The following PDGFRL variants were observed in gnomAD, a reference collection of about 807,000 sequenced individuals.
PDGFRL encodes the protein platelet-derived growth factor receptor-like protein.
A neutral mutation model predicts 37.2 loss-of-function variants in PDGFRL; 46 were observed. The ratio of observed to expected loss-of-function variants is 1.24; its 90% CI spans 0.98 to 1.58. The LOEUF is 1.58. PDGFRL is among the 40% of genes most tolerant of loss of function. PDGFRL has a pLI of 0.00. For synonymous variants in PDGFRL, 251 were observed against 184.3 expected (o/e 1.36, Z -2.93); for missense variants, 692 against 467.6 (o/e 1.48, Z -4.43).
intron 1 of PDGFRL, among the ~76,000 whole-genome samples, chr8:17,577,902 T>G (rs1803621642): frequency 6.6e-6 from 1 of 151,832 alleles, no homozygotes; most frequent in African/African-American, 2.4e-5. Flanking sequence ...CTTATTATAT[T>G]TATCTAATTG....
Position 17,642,610 on chromosome 8 carries a change from C to A in PDGFRL, c.940-3C>A. 6.3e-7 allele frequency: 1 copy of A among 1,594,722 alleles called. No individual in the cohort carries two copies. Among genetic ancestry groups the A allele is most frequent in the Non-Finnish European group, 8.6e-7 (1 of 1,162,628 alleles). On this transcript the variant is annotated splice_polypyrimidine_tract_variant and splice_region_variant and intron_variant, in intron 5 of 5. Coordinates refer to ENST00000251630, the MANE Select transcript of PDGFRL (RefSeq NM_001372073.1). Reference sequence around the variant, plus strand: ...TTCAGTCTTTGTGGGTGTCGTTAAACAGGATGAAAGGCCTGTGACGATCCA... The same window carrying A: ...TTCAGTCTTTGTGGGTGTCGTTAAAAAGGATGAAAGGCCTGTGACGATCCA...
rs1363688946 is a variant in PDGFRL at position 17,628,640 on chromosome 8, G to T, written c.659G>T (p.Gly220Val). The part of the protein sequence containing the change: ...EFPAKEIPAN[G>V]TDIVYDMKRG... ...CCAGCCAAGGAGATCCCAGCCAATG[G>T]AACGGACATTGTTTATGACATGAAG... The change falls in exon 4 of 6, where the codon GGA becomes GTA. Residue 220 changes from glycine (G) to valine (V), a missense_variant. Transcript: ENST00000251630. 4 of 1,614,200 alleles carry T rather than the reference G, an allele frequency of 2.5e-6. No individual in the cohort carries two copies. Among genetic ancestry groups the T allele is most frequent in the Admixed American group, 3.3e-5 (2 of 60,032 alleles).
chr8:17,599,844 T>A (rs1405770064), intron 2 of PDGFRL, among the ~76,000 whole-genome samples: 1 of 152,194 alleles, frequency 6.6e-6, no homozygotes, highest in African/African-American at 2.4e-5. Flanking sequence ...GGAAGAAGGA[T>A]GAGGATTTTC....
intron 2 of PDGFRL, among the ~76,000 whole-genome samples, chr8:17,601,956 C>G (rs1804174537): frequency 6.6e-6 from 1 of 152,176 alleles, no homozygotes; most frequent in South Asian, 2.1e-4. Context: ...TGTGGTAGAA[C>G]TATCTATATT....
intron 1 of PDGFRL, among the ~76,000 whole-genome samples, chr8:17,586,795 G>A (rs930585835): frequency 3.3e-5 from 5 of 152,142 alleles, no homozygotes; most frequent in Admixed American, 6.6e-5. Flanking sequence ...ATTTATAGAT[G>A]AGAAAACTGA....
At chr8:17,615,348 T>C (rs921795567) in intron 2 of PDGFRL, among the ~76,000 whole-genome samples, 3 of 152,144 alleles carry the variant, frequency 2.0e-5, no homozygotes, top group African/African-American at 4.8e-5. Context: ...ACTTAGCAGA[T>C]TTTACAAGCT....
chr8:17,577,398 CT>C, intron 1 of PDGFRL, 91 bp downstream of exon 1: 1 of 1,132,472 alleles, frequency 8.8e-7, no homozygotes, highest in Non-Finnish European at 1.3e-6. Flanking sequence ...AGCTCTTGGT[CT>C]AACGTTCGGC....
At chr8:17,632,557 G>A (rs13259043) in intron 4 of PDGFRL, among the ~76,000 whole-genome samples, 94,071 of 151,960 alleles carry the variant, frequency 0.62, 33,197 homozygotes, top group Non-Finnish European at 0.8. Flanking sequence ...GGCTGGCCTC[G>A]AACTCCTGAC....
At chr8:17,623,057 T>G (rs925911833) in intron 3 of PDGFRL, among the ~76,000 whole-genome samples, 1 of 152,158 alleles carries the variant, frequency 6.6e-6, no homozygotes, top group South Asian at 2.1e-4. Context: ...CTCTATCAGT[T>G]TCATTCCACA....
chr8:17,634,037 C>A, intron 4 of PDGFRL, 37 bp from the exon 5 acceptor site: 1 of 1,607,498 alleles, frequency 6.2e-7, no homozygotes, highest in South Asian at 1.1e-5. Flanking sequence ...AGGTTACACT[C>A]GGGGTCTCAC....
chr8:17,627,970 T>C (rs1056977472), intron 3 of PDGFRL, among the ~76,000 whole-genome samples: 4 of 150,268 alleles, frequency 2.7e-5, no homozygotes, highest in Admixed American at 2.7e-4. Context: ...TACTGATACC[T>C]TTTCTGTTTT....
At chr8:17,620,185 C>A (rs1051988552) in intron 2 of PDGFRL, among the ~76,000 whole-genome samples, 8 of 152,182 alleles carry the variant, frequency 5.3e-5, no homozygotes, top group African/African-American at 1.9e-4. Context: ...TGGTCTCAAA[C>A]TCCTGGCCTC....
chr8:17,641,438 G>T (rs1805090662), intron 5 of PDGFRL, among the ~76,000 whole-genome samples: 1 of 152,234 alleles, frequency 6.6e-6, no homozygotes, highest in South Asian at 2.1e-4. Flanking sequence ...GCTTCCTTGG[G>T]GACTGAGAGA....
chr8:17,602,891 TC>T (rs1341862010), intron 2 of PDGFRL, among the ~76,000 whole-genome samples: 3 of 152,272 alleles, frequency 2.0e-5, no homozygotes, highest in Non-Finnish European at 4.4e-5. Context: ...ATACCTATGG[TC>T]CTTTCAGCCT....
rs1462471772 is a variant in PDGFRL at position 17,642,573 on chromosome 8, T to A, written c.940-40T>A. On this transcript the variant is annotated intron_variant, in intron 5 of 5. Transcript: ENST00000251630. Reference sequence around the variant, plus strand: ...TGAGTGGGAGCTCTTTATAGCAGCTTGTCCCTCTTGCTTCAGTCTTTGTGG... The same window carrying A: ...TGAGTGGGAGCTCTTTATAGCAGCTAGTCCCTCTTGCTTCAGTCTTTGTGG... 4 of 1,279,978 alleles carry A rather than the reference T, an allele frequency of 3.1e-6. No individual in the cohort carries two copies. In the African/African-American group the frequency reaches 5.8e-5, roughly 19 times the overall value. 79.3% of individuals were successfully genotyped at this position (1,279,978 alleles called of 1,614,324 possible).
chr8:17,589,398 A>G (rs1803883448), intron 1 of PDGFRL, 70 bp from the exon 2 acceptor site: 1 of 1,188,376 alleles, frequency 8.4e-7, no homozygotes, highest in Admixed American at 2.2e-5. Flanking sequence ...AAAAAAAAAA[A>G]AGTTATTGGC....
At chr8:17,601,033 C>T (rs1221104725) in intron 2 of PDGFRL, among the ~76,000 whole-genome samples, 1 of 152,158 alleles carries the variant, frequency 6.6e-6, no homozygotes, top group Non-Finnish European at 1.5e-5. Flanking sequence ...ACCTGGTCAT[C>T]CTCCTGTGTC....
chr8:17,634,972 GGTTT>G (rs370554480), intron 5 of PDGFRL, among the ~76,000 whole-genome samples: 14,259 of 146,206 alleles, frequency 0.098, 835 homozygotes, highest in African/African-American at 0.15. Context: ...TAAAATAAAA[GGTTT>G]TTTTTTAAAA....
At chr8:17,589,965 C>T (rs1310356775) in intron 2 of PDGFRL, among the ~76,000 whole-genome samples, 200 bp downstream of exon 2, 4 of 151,976 alleles carry the variant, frequency 2.6e-5, no homozygotes, top group African/African-American at 9.7e-5. Flanking sequence ...GGTGCGGTGG[C>T]TCATGCCTGT....
Sources: gnomAD v4.1 joint callset for allele counts (sites outside exome capture counted in the v4.1 genomes callset) on GRCh38, gnomAD v4.1.1 for gene constraint, MANE v1.5 for transcripts, NCBI Gene and HGNC (gene_info 2026-07-23, HGNC 2026-07-21) for gene names.